Variants in C2CD3 observed in about 807,000 individuals in gnomAD.
C2CD3 encodes the protein C2 domain-containing protein 3.
A neutral mutation model predicts 234.0 loss-of-function variants in C2CD3; 148 were observed. The ratio of observed to expected loss-of-function variants is 0.63; its 90% confidence interval spans 0.55 to 0.72. The LOEUF is 0.72. C2CD3 is among the 30% of genes least tolerant of loss of function. The pLI is 0.00. For missense variants in C2CD3, 2,577 were observed against 2,811.5 expected (o/e 0.92, Z 1.89); for synonymous variants, 1,000 against 1,035.4 (o/e 0.97, Z 0.66).
At chr11:74,096,063 A>C (rs1454455524) in intron 16 of C2CD3, among the ~76,000 whole-genome samples, 1 of 152,160 alleles carries the variant, frequency 6.6e-6, no homozygotes, top group African/African-American at 2.4e-5. Flanking sequence ...ACTGTTACTA[A>C]AGGTAATAAC....
chr11:74,073,856 G>A (rs1565257534), intron 24 of C2CD3, among the ~76,000 whole-genome samples: 3 of 152,144 alleles, frequency 2.0e-5, no homozygotes, highest in East Asian at 1.9e-4. Context: ...CCACTAACCC[G>A]GAGTTTGAAC....
Position 74,103,148 on chromosome 11 carries a change from C to G in C2CD3, c.2563G>C (p.Val855Leu). 6.2e-7 allele frequency: 1 copy of G among 1,611,332 alleles called. No individual in the cohort carries two copies. Among genetic ancestry groups the G allele is most frequent in the Non-Finnish European group, 8.5e-7 (1 of 1,177,926 alleles). The change falls in exon 14 of 33, where the codon GTC becomes CTC. Residue 855 changes from valine to leucine, a missense_variant. Val to Leu is a conservative substitution (Grantham distance 32, BLOSUM62 1). Coordinates refer to ENST00000334126, the MANE Select transcript of C2CD3 (RefSeq NM_001286577.2). ...AAAGTTACCTGAGAAAAGTTAAAGACCGGTTGTGTTGTGCCCCATGCGATG... is the reference window on the plus strand; with the variant it reads ...AAAGTTACCTGAGAAAAGTTAAAGAGCGGTTGTGTTGTGCCCCATGCGATG... ...SVIAWGTTQP[V>L]FNFSQVIPVS...
At chr11:74,045,947 T>A (rs1293290340) in intron 28 of C2CD3, among the ~76,000 whole-genome samples, 1 of 152,210 alleles carries the variant, frequency 6.6e-6, no homozygotes, top group Non-Finnish European at 1.5e-5. Context: ...TTTAAAAGTT[T>A]CTGTTTCAAT....
At chr11:74,145,348 C>A (rs188236266) in intron 3 of C2CD3, among the ~76,000 whole-genome samples, 1 of 152,066 alleles carries the variant, frequency 6.6e-6, no homozygotes, top group African/African-American at 2.4e-5. Flanking sequence ...CGTTTGTTGG[C>A]GCATGTATGT....
At position 74,092,599 on chromosome 11, in the gene C2CD3, C is replaced by A; in HGVS notation, c.3345-11G>T. ...TTAGGATAATAGTATCTGTAAACCACAAAAGCACACGTTGTCAGAAGAATT... is the reference window on the plus strand; with the variant it reads ...TTAGGATAATAGTATCTGTAAACCAAAAAAGCACACGTTGTCAGAAGAATT... On this transcript the variant is annotated splice_polypyrimidine_tract_variant and intron_variant, in intron 18 of 32. Transcript: ENST00000334126. The A allele has an allele frequency of 6.2e-7, 1 of 1,603,516 alleles. No individual in the cohort carries two copies. Among genetic ancestry groups the A allele is most frequent in the Non-Finnish European group, 8.5e-7 (1 of 1,173,378 alleles).
In C2CD3 at chr11:74,082,476, T is replaced by G. The variant is rs184634800; in HGVS notation, c.4000+2405A>C. Among the ~76,000 whole-genome samples, 79 of 152,326 alleles carry G rather than the reference T, an allele frequency of 5.2e-4. 1 individual carries two copies. In the Middle Eastern group the frequency reaches 0.037, roughly 72 times the overall value. ...GAGATATGTTCCATCAATAGTTTAT[T>G]GAGAGTTTTTAGCATGAAGGGCTGT... On this transcript the variant is annotated intron_variant, in intron 22 of 32. Transcript: ENST00000334126.
At position 74,042,240 on chromosome 11, in the gene C2CD3, AAAG is replaced by A. The variant is rs763656464; in HGVS notation, c.5496-25_5496-23del. ...ACTTCTGTCAAAAAAAAAAAAAAAA[AAAG>A]TAGGAGCAAAATAAATTCCCAATCA... On this transcript the variant is annotated intron_variant, in intron 28 of 32. Transcript: ENST00000334126. 8 of 1,578,628 alleles carry A rather than the reference AAAG, an allele frequency of 5.1e-6. No individual in the cohort carries two copies. The African/African-American group carries it at 9.6e-5, about 19-fold the overall frequency.
At chr11:74,021,126 C>T (rs575229003) in intron 32 of C2CD3, among the ~76,000 whole-genome samples, 22 of 152,288 alleles carry the variant, frequency 1.4e-4, no homozygotes, top group Admixed American at 6.5e-4. Flanking sequence ...AACAACTCAA[C>T]TAGAGTCCCA....
chr11:74,167,222 T>C (rs1298478175), intron 2 of C2CD3, among the ~76,000 whole-genome samples: 3 of 152,218 alleles, frequency 2.0e-5, no homozygotes, highest in Non-Finnish European at 4.4e-5. Context: ...TTGATTACCA[T>C]GTTAATAAAT....
chr11:74,026,040 C>A (rs1227062504), intron 32 of C2CD3, among the ~76,000 whole-genome samples: 1 of 152,130 alleles, frequency 6.6e-6, no homozygotes, highest in Non-Finnish European at 1.5e-5. Context: ...CACAAAACTG[C>A]AGATCTTCCT....
In C2CD3 at chr11:74,025,177, T is replaced by C. The variant is rs539156312; in HGVS notation, c.6921+3110A>G. On this transcript the variant is annotated intron_variant, in intron 32 of 32. Coordinates refer to ENST00000334126, the MANE Select transcript of C2CD3 (RefSeq NM_001286577.2). ...CTGGACTGGCCCCATTTTTCATTAA[T>C]GTGGCCTCTGGGAAAGCATATAAAA... 6.6e-5 allele frequency among the ~76,000 whole-genome samples: 10 copies of C among 152,286 alleles called. No homozygotes were observed. In the South Asian group the frequency reaches 1.4e-3, roughly 22 times the overall value.
intron 5 of C2CD3, among the ~76,000 whole-genome samples, chr11:74,134,008 G>A (rs1041663067): frequency 6.6e-6 from 1 of 152,006 alleles, no homozygotes. Context: ...TGACTTTTCC[G>A]ACTTTCTGAT....
chr11:74,033,322 A>C, intron 31 of C2CD3, 29 bp downstream of exon 31: 2 of 1,528,568 alleles, frequency 1.3e-6, no homozygotes, highest in African/African-American at 2.7e-5. Context: ...CCTGCATCCA[A>C]ACCACTTGTG....
chr11:74,114,295 A>G (rs1377753728), intron 10 of C2CD3, 89 bp downstream of exon 10: 1 of 872,764 alleles, frequency 1.1e-6, no homozygotes, highest in African/African-American at 1.7e-5. Context: ...AACACATCCC[A>G]AATCACAGTA....
At chr11:74,163,537 T>G (rs1343184502) in intron 2 of C2CD3, among the ~76,000 whole-genome samples, 1 of 152,224 alleles carries the variant, frequency 6.6e-6, no homozygotes, top group Non-Finnish European at 1.5e-5. Flanking sequence ...CTCATGATAG[T>G]GAGTTAGCTC....
intron 3 of C2CD3, among the ~76,000 whole-genome samples, chr11:74,152,126 G>C (rs1424908933): frequency 1.3e-5 from 2 of 152,028 alleles, no homozygotes; most frequent in Admixed American, 6.5e-5. Flanking sequence ...CTGGCTCCTT[G>C]AAAAGATTAA....
chr11:74,118,652 G>A (rs545066911), intron 8 of C2CD3, among the ~76,000 whole-genome samples: 1 of 152,138 alleles, frequency 6.6e-6, no homozygotes, highest in Non-Finnish European at 1.5e-5. Flanking sequence ...ATTATTTATT[G>A]ACTATAGACC....
chr11:74,142,349 C>T (rs957635092), intron 3 of C2CD3: 4 of 152,154 alleles, frequency 2.6e-5, no homozygotes, highest in South Asian at 2.1e-4. Context: ...TGATATCTTT[C>T]GGAATACAAA....
intron 24 of C2CD3, among the ~76,000 whole-genome samples, chr11:74,057,912 T>C (rs943868330): frequency 5.3e-5 from 8 of 152,104 alleles, no homozygotes; most frequent in African/African-American, 1.9e-4. Context: ...TGAGCTGAGA[T>C]TGCACCACTA....
Sources: gnomAD v4.1 joint callset for allele counts (sites outside exome capture counted in the v4.1 genomes callset) on GRCh38, gnomAD v4.1.1 for gene constraint, MANE v1.5 for transcripts, NCBI Gene and HGNC (gene_info 2026-07-23, HGNC 2026-07-21) for gene names.